ULK4: variants seen among roughly 807,000 people sequenced by gnomAD.
The protein encoded by ULK4 is unc-51 like kinase 4.
A neutral mutation model predicts 160.6 loss-of-function variants in ULK4; 133 were observed. The ratio of observed to expected loss-of-function variants is 0.83; its 90% confidence interval spans 0.72 to 0.96. ULK4 has a LOEUF of 0.96. Among genes scored for constraint, ULK4 ranks in the 40% least tolerant of loss-of-function variants. The pLI is 0.00. For missense variants in ULK4, 1,580 were observed against 1,499.5 expected (o/e 1.05, Z -0.89); for synonymous variants, 534 against 539.8 (o/e 0.99, Z 0.15).
At chr3:41,646,675 A>C (rs946150037) in intron 30 of ULK4, among the ~76,000 whole-genome samples, 1 of 151,996 alleles carries the variant, frequency 6.6e-6, no homozygotes, top group Non-Finnish European at 1.5e-5. Context: ...TGTGTCTTGG[A>C]GTTGCTCTTC....
intron 27 of ULK4, among the ~76,000 whole-genome samples, chr3:41,694,456 T>G (rs893123779): frequency 6.6e-6 from 1 of 152,058 alleles, no homozygotes; most frequent in Non-Finnish European, 1.5e-5. Flanking sequence ...TCACAGAAGT[T>G]AGTTTTGAAC....
chr3:41,379,186 C>T (rs958825536), intron 35 of ULK4, among the ~76,000 whole-genome samples: 3 of 150,074 alleles, frequency 2.0e-5, no homozygotes, highest in Non-Finnish European at 3.0e-5. Flanking sequence ...TACATGTATC[C>T]CAGAACTTAA....
At chr3:41,915,325 A>G (rs1378206722) in intron 8 of ULK4, 1 of 152,122 alleles carries the variant, frequency 6.6e-6, no homozygotes, top group African/African-American at 2.4e-5. Context: ...ATGCTACACT[A>G]AATTTATTCT....
intron 35 of ULK4, among the ~76,000 whole-genome samples, chr3:41,276,478 A>C (rs2079230123): frequency 6.6e-6 from 1 of 152,242 alleles, no homozygotes; most frequent in African/African-American, 2.4e-5. Flanking sequence ...AGGGGACGTC[A>C]GAGGATAAAA....
intron 22 of ULK4, among the ~76,000 whole-genome samples, chr3:41,723,881 G>A (rs751944862): frequency 2.6e-5 from 4 of 152,186 alleles, no homozygotes; most frequent in African/African-American, 4.8e-5. Context: ...CCGAGCATGT[G>A]ACTGGAACAC....
intron 35 of ULK4, among the ~76,000 whole-genome samples, chr3:41,327,491 A>C (rs2080360477): frequency 6.6e-6 from 1 of 152,104 alleles, no homozygotes; most frequent in Non-Finnish European, 1.5e-5. Context: ...TCCAGAGCCC[A>C]CACACGTCCA....
chr3:41,589,734 AAC>A (rs1575456173), intron 31 of ULK4, among the ~76,000 whole-genome samples: 2 of 152,306 alleles, frequency 1.3e-5, no homozygotes, highest in South Asian at 4.1e-4. Context: ...AAAAAAATCC[AAC>A]ACTCTTTAGA....
In ULK4 at chr3:41,302,789, T is replaced by C. The variant is rs147329286; in HGVS notation, c.3679-53215A>G. On this transcript the variant is annotated intron_variant, in intron 35 of 36. Transcript: ENST00000301831. ...ACAATGAATGTCTGTTGGGGGACTA[T>C]GGATAATTGAAAGCACTTCAGTGAT... 3.2e-3 allele frequency among the ~76,000 whole-genome samples: 484 copies of C among 152,318 alleles called. 2 individuals carry two copies. Among genetic ancestry groups the C allele is most frequent in the African/African-American group, 4.8e-3 (201 of 41,570 alleles).
At chr3:41,832,630 A>G (rs1223696356) in intron 18 of ULK4, among the ~76,000 whole-genome samples, 1 of 152,178 alleles carries the variant, frequency 6.6e-6, no homozygotes, top group African/African-American at 2.4e-5. Context: ...TATGTCCTAA[A>G]TGGTACTGCC....
At chr3:41,808,107 A>G (rs1199069122) in intron 19 of ULK4, among the ~76,000 whole-genome samples, 1 of 152,160 alleles carries the variant, frequency 6.6e-6, no homozygotes, top group African/African-American at 2.4e-5. Context: ...GTGGGGTTCA[A>G]TATGACGAAA....
At chr3:41,407,212 GAACAAC>G (rs920753207) in intron 34 of ULK4, among the ~76,000 whole-genome samples, 1 of 151,876 alleles carries the variant, frequency 6.6e-6, no homozygotes, top group African/African-American at 2.4e-5. Context: ...TCCTACAAAA[GAACAAC>G]AACAACAACA....
At chr3:41,769,669 A>G (rs181777589) in intron 21 of ULK4, among the ~76,000 whole-genome samples, 1 of 152,354 alleles carries the variant, frequency 6.6e-6, no homozygotes, top group East Asian at 1.9e-4. Context: ...ATAATGAAAT[A>G]TTTAAAATGA....
chr3:41,701,552 C>T (rs902392414), intron 27 of ULK4, among the ~76,000 whole-genome samples: 1 of 152,084 alleles, frequency 6.6e-6, no homozygotes, highest in Non-Finnish European at 1.5e-5. Context: ...GCCACCAGCA[C>T]ATGTAAGCTA....
chr3:41,420,049 T>C (rs1006399758), intron 34 of ULK4, among the ~76,000 whole-genome samples: 1 of 152,036 alleles, frequency 6.6e-6, no homozygotes, highest in African/African-American at 2.4e-5. Context: ...AACGTAAGTT[T>C]ATTCCTTTTT....
chr3:41,380,605 G>C (rs908499066), intron 35 of ULK4, among the ~76,000 whole-genome samples: 2 of 151,990 alleles, frequency 1.3e-5, no homozygotes, highest in Non-Finnish European at 2.9e-5. Flanking sequence ...GCTCACTCAC[G>C]GCCTCACCCA....
chr3:41,715,381 T>A (rs2037231994), intron 24 of ULK4, 66 bp downstream of exon 24: 2 of 1,611,690 alleles, frequency 1.2e-6, no homozygotes, highest in African/African-American at 2.7e-5. Context: ...AGTTGAGGAT[T>A]CTCAGCTCCA....
At chr3:41,451,827 T>C (rs886598694) in intron 34 of ULK4, among the ~76,000 whole-genome samples, 14 of 152,176 alleles carry the variant, frequency 9.2e-5, no homozygotes, top group African/African-American at 3.1e-4. Flanking sequence ...TTGGCAATTT[T>C]ATGTGATTCA....
chr3:41,360,771 T>C (rs2081127241), intron 35 of ULK4, among the ~76,000 whole-genome samples: 1 of 151,590 alleles, frequency 6.6e-6, no homozygotes, highest in Non-Finnish European at 1.5e-5. Flanking sequence ...TGTCAGAGGG[T>C]GAAGGCTGGA....
intron 32 of ULK4, among the ~76,000 whole-genome samples, chr3:41,520,566 T>TG: frequency 6.6e-6 from 1 of 152,340 alleles, no homozygotes; most frequent in South Asian, 2.1e-4. Context: ...TTTAATTCTT[T>TG]GGGGAATATT....
Sources: gnomAD v4.1 joint callset for allele counts (sites outside exome capture counted in the v4.1 genomes callset) on GRCh38, gnomAD v4.1.1 for gene constraint, MANE v1.5 for transcripts, NCBI Gene and HGNC (gene_info 2026-07-23, HGNC 2026-07-21) for gene names.